The following CTSE variants were observed in gnomAD, a reference collection of about 807,000 sequenced individuals.
CTSE encodes erythrocyte membrane aspartic proteinase.
Under a neutral mutation model 42.8 loss-of-function variants are expected in CTSE, and 43 were observed. The observed-to-expected ratio is 1.01, with a 90% CI of 0.79 to 1.30. The LOEUF is 1.30. CTSE is among the 50% of genes most tolerant of loss of function. The pLI is 0.00. For synonymous variants in CTSE, 205 were observed against 191.5 expected (o/e 1.07, Z -0.58); for missense variants, 532 against 493.5 (o/e 1.08, Z -0.74).
Position 206,013,765 on chromosome 1 carries a change from T to C in CTSE, c.785+7A>G, listed in dbSNP as rs782481890. 1 of 1,613,352 alleles carries C rather than the reference T, an allele frequency of 6.2e-7. No individual in the cohort carries two copies. Among genetic ancestry groups the C allele is most frequent in the South Asian group, 1.1e-5 (1 of 91,022 alleles). On this transcript the variant is annotated splice_region_variant and intron_variant, in intron 6 of 8. Coordinates refer to ENST00000358184, the MANE Select transcript of CTSE (RefSeq NM_001910.4). The stretch of plus-strand genomic sequence containing the variant: ...AGTACTGTCACTACTTCATGGGGAA[T>C]ACTCACTTATCCAGTGCAATCTGCC...
rs77492430 is a variant in CTSE at position 206,022,965 on chromosome 1, A to T, written c.161T>A (p.Ile54Asn). 6.2e-7 allele frequency: 1 copy of T among 1,611,452 alleles called. No homozygotes were observed. Among genetic ancestry groups the T allele is most frequent in the Non-Finnish European group, 8.5e-7 (1 of 1,178,520 alleles). ...EFWKSHNLDM[I>N]QFTESCSMDQ... ...CATTGAGCAGGACTCGGTGAACTGG[A>T]TCATGTCCAAATTATGGGATTTCCA... Residue 54 changes from isoleucine (I) to asparagine (N), a missense_variant, in exon 2 of 9, where the codon ATC becomes AAC. By Grantham distance (149) the Ile-to-Asn change is moderately radical. Transcript: ENST00000358184.
rs1553276714 is a variant in CTSE at position 206,010,177 on chromosome 1, C to T, written c.*6G>A. 4.3e-6 allele frequency: 7 copies of T among 1,613,514 alleles called. No homozygotes were observed. The highest frequency in any genetic ancestry group is 1.3e-5 in the African/African-American group (1 of 74,880). On this transcript the variant is annotated 3_prime_UTR_variant, in exon 9 of 9. Transcript: ENST00000358184. ...AGACAGGCAGGCACAGACACAAGGCCCCTCCTTAGGGGACTGCTGGGGCCA... is the reference window on the plus strand; with the variant it reads ...AGACAGGCAGGCACAGACACAAGGCTCCTCCTTAGGGGACTGCTGGGGCCA...
In CTSE at chr1:206,009,919, A is replaced by G; in HGVS notation, c.*264T>C. ...AATGTGAAAATTTTTGATTTTCATA[A>G]TCAAAAATCAATACAAAATATGAAT... is the stretch of plus-strand genomic sequence containing the variant. On this transcript the variant is annotated 3_prime_UTR_variant, in exon 9 of 9. Transcript: ENST00000358184. The G allele has an allele frequency of 2.2e-6, 1 of 446,534 alleles. No homozygotes were observed. The allele number at this position is 446,534 out of a possible 1,614,324, so 27.7% of individuals were successfully genotyped here.
At position 206,021,130 on chromosome 1, in the gene CTSE, T is replaced by C. The variant is rs782289037; in HGVS notation, c.381A>G (p.Thr127=). ...HSRFQPSQSS[T]YSQPGQSFSI... ...AGAAAGATTGACCTGGCTGGCTGTA[T>C]GTGCTGGACTGGGAAGGCTGGAACC... is the stretch of plus-strand genomic sequence containing the variant. The change falls in exon 4 of 9, where the codon ACA becomes ACG. Residue 127 remains threonine, a synonymous_variant. Transcript: ENST00000358184. 3.1e-6 allele frequency: 5 copies of C among 1,613,682 alleles called. No individual in the cohort carries two copies. In the Admixed American group the frequency reaches 8.3e-5, roughly 27 times the overall value.
Position 206,021,145 on chromosome 1 carries a change from A to G in CTSE, c.366T>C (p.Pro122=). 1 of 1,613,390 alleles carries G rather than the reference A, an allele frequency of 6.2e-7. No individual in the cohort carries two copies. The highest frequency in any genetic ancestry group is 8.5e-7 in the Non-Finnish European group (1 of 1,179,416). Reference sequence around the variant, plus strand: ...GCTGGCTGTATGTGCTGGACTGGGAAGGCTGGAACCTGCTGTGCGTCTCTG... The same window carrying G: ...GCTGGCTGTATGTGCTGGACTGGGAGGGCTGGAACCTGCTGTGCGTCTCTG... ...PACKTHSRFQ[P]SQSSTYSQPG... The change falls in exon 4 of 9, where the codon CCT becomes CCC. Residue 122 remains proline, a synonymous_variant. Transcript: ENST00000358184.
At chr1:206,019,686 T>A (rs1429928977) in intron 4 of CTSE, among the ~76,000 whole-genome samples, 2 of 147,840 alleles carry the variant, frequency 1.4e-5, no homozygotes, top group African/African-American at 4.9e-5. Flanking sequence ...ATATATATAT[T>A]ATATGTAATT....
At chr1:206,022,680 C>T (rs1193864769) in intron 2 of CTSE, among the ~76,000 whole-genome samples, 1 of 151,952 alleles carries the variant, frequency 6.6e-6, no homozygotes, top group African/African-American at 2.4e-5. Flanking sequence ...TGCTTTCACT[C>T]CCAGCCCTTT....
rs147337323 is a variant in CTSE at position 206,010,036 on chromosome 1, C to T, written c.*147G>A. The T allele has an allele frequency of 2.8e-3, 2,212 of 797,138 alleles. 21 individuals are homozygous for T. Among genetic ancestry groups the T allele is most frequent in the African/African-American group, 0.017 (1,003 of 59,530 alleles). 49.4% of individuals were successfully genotyped at this position (797,138 alleles called of 1,614,324 possible). On this transcript the variant is annotated 3_prime_UTR_variant, in exon 9 of 9. Coordinates refer to ENST00000358184, the MANE Select transcript of CTSE (RefSeq NM_001910.4). ...GTATATGTGTGTGTGTGTGTGTATT[C>T]TCATGTTCTGTTTGGTCTTAATTCA...
intron 4 of CTSE, among the ~76,000 whole-genome samples, chr1:206,020,464 T>C (rs1661386899): frequency 6.6e-6 from 1 of 152,034 alleles, no homozygotes; most frequent in Non-Finnish European, 1.5e-5. Flanking sequence ...TCTATAAGCC[T>C]GAAAAAGTAC....
chr1:206,012,596 A>G lies in CTSE; in HGVS notation c.839T>C (p.Val280Ala). The stretch of plus-strand genomic sequence containing the variant: ...AGTGATGAGGGAAGTCCCTGTGTCC[A>G]CAATGGCCTGGCAGCCCTCGGAGCA... ...MFCSEGCQAI[V>A]DTGTSLITGP... Residue 280 changes from valine to alanine, a missense_variant, in exon 7 of 9, where the codon GTG becomes GCG. Physicochemically the swap from Val to Ala is moderately conservative, Grantham distance 64 (BLOSUM62 0). Transcript: ENST00000358184. 6.2e-7 allele frequency: 1 copy of G among 1,613,976 alleles called. No individual in the cohort carries two copies. The highest frequency in any genetic ancestry group is 1.1e-5 in the South Asian group (1 of 91,080).
rs1571806870 is a variant in CTSE at position 206,010,350 on chromosome 1, G to A, written c.1027-3C>T. ...AACTGCATTCCATCCACGAAGTCCTGTGGGTTGGAAAGAAGGATGCAAATG... is the reference window on the plus strand; with the variant it reads ...AACTGCATTCCATCCACGAAGTCCTATGGGTTGGAAAGAAGGATGCAAATG... On this transcript the variant is annotated splice_polypyrimidine_tract_variant and splice_region_variant and intron_variant, in intron 8 of 8. Transcript: ENST00000358184. The A allele has an allele frequency of 2.5e-6, 4 of 1,612,060 alleles. No individual in the cohort carries two copies. Among genetic ancestry groups the A allele is most frequent in the Non-Finnish European group, 3.4e-6 (4 of 1,178,526 alleles).
chr1:206,018,516 G>T (rs1313286735), intron 4 of CTSE, among the ~76,000 whole-genome samples: 1 of 151,890 alleles, frequency 6.6e-6, no homozygotes, highest in Non-Finnish European at 1.5e-5. Context: ...TTTTAGTGTT[G>T]AGAGAATTTA....
chr1:206,023,212 C>T (rs1012202801), intron 1 of CTSE, among the ~76,000 whole-genome samples, 155 bp from the exon 2 acceptor site: 6 of 151,886 alleles, frequency 4.0e-5, no homozygotes, highest in Admixed American at 2.0e-4. Context: ...TCAGCGTCCT[C>T]TCTGCCACTC....
chr1:206,012,742 A>C, intron 6 of CTSE, 93 bp from the exon 7 acceptor site: 1 of 1,397,312 alleles, frequency 7.2e-7, no homozygotes, highest in Non-Finnish European at 9.9e-7. Context: ...CCTGGAGCAC[A>C]TCAATGATTT....
In CTSE at chr1:206,023,726, G is replaced by C. The variant is rs782805713; in HGVS notation, c.66C>G (p.His22Gln). 1 of 1,613,406 alleles carries C rather than the reference G, an allele frequency of 6.2e-7. No individual in the cohort carries two copies. Among genetic ancestry groups the C allele is most frequent in the Admixed American group, 1.7e-5 (1 of 59,986 alleles). Residue 22 changes from histidine to glutamine, a missense_variant and splice_region_variant, in exon 1 of 9, where the codon CAC becomes CAG. Coordinates refer to ENST00000358184, the MANE Select transcript of CTSE (RefSeq NM_001910.4). ...LELGEAQGSL[H>Q]RVPLRRHPSL... ...ACAGTGCGGGGACGTCTTCTCACCT[G>C]TGAAGGGATCCTTGGGCCTCTCCCA...
intron 4 of CTSE, among the ~76,000 whole-genome samples, chr1:206,019,451 A>C (rs533814415): frequency 6.6e-6 from 1 of 152,060 alleles, no homozygotes; most frequent in East Asian, 1.9e-4. Flanking sequence ...AGGTAAGTGC[A>C]CACCTGGTCC....
intron 5 of CTSE, among the ~76,000 whole-genome samples, chr1:206,014,693 G>GCGGCT (rs1553277546): frequency 6.6e-6 from 1 of 152,032 alleles, no homozygotes; most frequent in African/African-American, 2.4e-5. Context: ...GTGAGATGAA[G>GCGGCT]CAATGTAAGT....
At chr1:206,012,181 A>T in intron 8 of CTSE, 127 bp downstream of exon 8, 1 of 733,286 alleles carries the variant, frequency 1.4e-6, no homozygotes, top group South Asian at 1.8e-5. Context: ...GGAATGCCAC[A>T]TGAGAGCAGA....
At chr1:206,014,016 G>T (rs936190800) in intron 5 of CTSE, 122 bp from the exon 6 acceptor site, 8 of 1,101,614 alleles carry the variant, frequency 7.3e-6, no homozygotes, top group Non-Finnish European at 9.2e-6. Context: ...AGAAACATCA[G>T]TCTGGGCTTT....
Sources: gnomAD v4.1 joint callset for allele counts (sites outside exome capture counted in the v4.1 genomes callset) on GRCh38, gnomAD v4.1.1 for gene constraint, MANE v1.5 for transcripts, NCBI Gene and HGNC (gene_info 2026-07-23, HGNC 2026-07-21) for gene names.